Variants in DMD observed in about 807,000 individuals in gnomAD.
The protein encoded by DMD is dystrophin.
A neutral mutation model predicts 330.1 loss-of-function variants in DMD; 63 were observed. The ratio of observed to expected loss-of-function variants is 0.19; its 90% CI spans 0.16 to 0.24. The LOEUF is 0.24. Ranked by LOEUF, DMD falls within the 10% of genes least tolerant of loss-of-function variation. The pLI is 1.00. For synonymous variants in DMD, 1,223 were observed against 959.8 expected, an observed-to-expected ratio of 1.27 and a Z score of -5.07; for missense variants, 3,344 against 2,684.1, an observed-to-expected ratio of 1.25 and a Z score of -5.43.
chrX:32,562,047 G>T (rs1423624083), intron 16 of DMD, among the ~76,000 whole-genome samples: 1 of 111,309 alleles, frequency 9.0e-6, no homozygotes, highest in Non-Finnish European at 1.9e-5. Context: ...AATATATATC[G>T]ATCAGGGCCA....
intron 44 of DMD, among the ~76,000 whole-genome samples, chrX:32,016,189 G>A (rs1191452227): frequency 6.3e-5 from 7 of 111,840 alleles, no homozygotes; most frequent in African/African-American, 1.6e-4. Context: ...TTAGCCTAAT[G>A]GAGAACAATC....
At chrX:31,952,840 GC>G (rs1452847667) in intron 45 of DMD, among the ~76,000 whole-genome samples, 1 of 111,716 alleles carries the variant, frequency 9.0e-6, no homozygotes, top group East Asian at 2.8e-4. Flanking sequence ...TCCTTCTTAT[GC>G]CCAGCGTTTT....
chrX:31,874,540 A>T (rs1269523138), intron 48 of DMD, among the ~76,000 whole-genome samples: 2 of 111,712 alleles, frequency 1.8e-5, no homozygotes, highest in African/African-American at 3.3e-5. Flanking sequence ...TAGTAACATA[A>T]GTTTAATGAA....
At chrX:31,568,449 G>A (rs778861281) in intron 55 of DMD, among the ~76,000 whole-genome samples, 33 of 111,267 alleles carry the variant, frequency 3.0e-4, no homozygotes, top group African/African-American at 9.4e-4. Context: ...CTGTTGTTAG[G>A]TGCAAACACA....
chrX:32,054,084 TGTGTGAGAGAGAGA>T (rs1569537418), intron 44 of DMD, among the ~76,000 whole-genome samples: 2 of 75,761 alleles, frequency 2.6e-5, no homozygotes, highest in East Asian at 4.7e-4. Flanking sequence ...TGTGTGTGTG[TGTGTGAGAGAGAGA>T]GAGAGAGAGA....
At chrX:32,400,525 A>G (rs2098079078) in intron 30 of DMD, among the ~76,000 whole-genome samples, 2 of 111,479 alleles carry the variant, frequency 1.8e-5, no homozygotes, top group Non-Finnish European at 3.8e-5. Context: ...ATAGTTTCAG[A>G]AGGAATGGTA....
intron 43 of DMD, among the ~76,000 whole-genome samples, chrX:32,250,016 C>T (rs1377450481): frequency 1.8e-5 from 2 of 111,594 alleles, no homozygotes; most frequent in East Asian, 2.8e-4. Context: ...ACGCCTTGAA[C>T]CATTAAGTAC....
chrX:33,067,206 T>A (rs1269028613), intron 1 of DMD, among the ~76,000 whole-genome samples: 2 of 112,355 alleles, frequency 1.8e-5, no homozygotes, highest in Non-Finnish European at 3.7e-5. Context: ...GAAGCAAATT[T>A]GAAGTATTAA....
intron 52 of DMD, among the ~76,000 whole-genome samples, chrX:31,680,115 T>C (rs181390218): frequency 8.9e-6 from 1 of 111,990 alleles, no homozygotes; most frequent in East Asian, 2.8e-4. Context: ...CCCTTGATGC[T>C]AGGGGAAATA....
rs369198579 is a variant in DMD, at chrX:31,422,043, A to ATT, written c.9084+22436_9084+22437dup. 5.6e-4 allele frequency among the ~76,000 whole-genome samples: 16 copies of ATT among 28,762 alleles called. 1 individual carries two copies. Among genetic ancestry groups the ATT allele is most frequent in the African/African-American group, 8.8e-4 (13 of 14,712 alleles). 25.0% of individuals were successfully genotyped at this position (28,762 alleles called of 115,157 possible). ...AACACACACACATATATATATATAT[A>ATT]TTTTTTTTTTTCTTTTTCTTTTTGA... On this transcript the variant is annotated intron_variant, in intron 60 of 78. Coordinates refer to ENST00000357033, the MANE Select transcript of DMD (RefSeq NM_004006.3).
chrX:32,872,154 T>A (rs990520874), intron 2 of DMD, among the ~76,000 whole-genome samples: 1 of 111,476 alleles, frequency 9.0e-6, no homozygotes, highest in Non-Finnish European at 1.9e-5. Flanking sequence ...AGGCTTGTCA[T>A]CCCCGATTTC....
intron 60 of DMD, among the ~76,000 whole-genome samples, chrX:31,418,971 G>A (rs1242550343): frequency 9.1e-6 from 1 of 109,452 alleles, no homozygotes; most frequent in Non-Finnish European, 1.9e-5. Context: ...TTTCCAGAGA[G>A]TCTCACTCTG....
chrX:33,267,307 A>G (rs1026012605), intron 1 of DMD, among the ~76,000 whole-genome samples: 2 of 111,368 alleles, frequency 1.8e-5, no homozygotes, highest in African/African-American at 3.3e-5. Context: ...CACCTAACCA[A>G]GATGCTGAAA....
chrX:33,269,823 G>C (rs1405402412), intron 1 of DMD, among the ~76,000 whole-genome samples: 2 of 110,989 alleles, frequency 1.8e-5, no homozygotes, highest in Admixed American at 9.7e-5. Flanking sequence ...CATTTTATGA[G>C]TAGAATTATA....
At chrX:32,344,235 C>G (rs368185108) in intron 39 of DMD, among the ~76,000 whole-genome samples, 3 of 111,301 alleles carry the variant, frequency 2.7e-5, no homozygotes, top group Non-Finnish European at 5.7e-5. Context: ...AGGTTTAATT[C>G]GAGCGAAAAA....
chrX:33,109,309 T>G (rs1413118676), intron 1 of DMD, among the ~76,000 whole-genome samples: 2 of 111,965 alleles, frequency 1.8e-5, no homozygotes, highest in Non-Finnish European at 3.8e-5. Flanking sequence ...GTGAACCTTC[T>G]TGCTCAACAA....
intron 1 of DMD, among the ~76,000 whole-genome samples, chrX:33,077,433 G>T (rs1467713326): frequency 1.8e-5 from 2 of 111,143 alleles, no homozygotes; most frequent in African/African-American, 6.6e-5. Flanking sequence ...CCTTCCTTTG[G>T]GTTTTCTAAC....
chrX:32,298,309 C>A, intron 42 of DMD, among the ~76,000 whole-genome samples: 1 of 110,053 alleles, frequency 9.1e-6, no homozygotes, highest in Non-Finnish European at 1.9e-5. Flanking sequence ...AAGGCAGAAT[C>A]CTTAGGATTT....
At chrX:32,272,346 C>T (rs1425635459) in intron 43 of DMD, among the ~76,000 whole-genome samples, 1 of 112,158 alleles carries the variant, frequency 8.9e-6, no homozygotes. Context: ...TACCACTTGG[C>T]TTTGCTAAGC....
Sources: allele counts gnomAD v4.1 joint callset (sites outside exome capture counted in the v4.1 genomes callset), GRCh38; gene constraint gnomAD v4.1.1; transcripts MANE v1.5; gene names NCBI Gene and HGNC (gene_info 2026-07-23, HGNC 2026-07-21).